The following DLGAP1 variants were observed in gnomAD, a reference collection of about 807,000 sequenced individuals.
The protein encoded by DLGAP1 is disks large-associated protein 1.
A neutral mutation model predicts 90.8 loss-of-function variants in DLGAP1; 11 were observed. That is an observed-to-expected ratio of 0.12 (90% confidence interval 0.08 to 0.20). The LOEUF (loss-of-function observed/expected upper bound fraction) is 0.20, where lower values mean the gene tolerates loss of function less well. Ranked by LOEUF, DLGAP1 falls within the 10% of genes least tolerant of loss-of-function variation. The pLI is 1.00. For synonymous variants in DLGAP1, 558 were observed against 540.7 expected (o/e 1.03, Z -0.44); for missense variants, 1,050 against 1,333.8 (o/e 0.79, Z 3.31).
intron 1 of DLGAP1, among the ~76,000 whole-genome samples, chr18:4,239,740 G>A (rs1480293368): frequency 6.6e-6 from 1 of 152,148 alleles, no homozygotes; most frequent in Non-Finnish European, 1.5e-5. Context: ...CTCCTTAGTT[G>A]CCTGTGTGTT....
chr18:4,161,373 T>C (rs2076842065), intron 1 of DLGAP1, among the ~76,000 whole-genome samples: 1 of 152,186 alleles, frequency 6.6e-6, no homozygotes. Context: ...ATTAGTTTGC[T>C]GAGGATAATG....
chr18:3,979,443 G>T (rs2073675744), intron 3 of DLGAP1, among the ~76,000 whole-genome samples: 1 of 34,264 alleles, frequency 2.9e-5, no homozygotes, highest in Admixed American at 4.1e-4. Flanking sequence ...GCATTTCTCA[G>T]AATGTACTCC....
chr18:3,997,694 G>A (rs1403870715), intron 3 of DLGAP1, among the ~76,000 whole-genome samples: 1 of 151,574 alleles, frequency 6.6e-6, no homozygotes, highest in African/African-American at 2.4e-5. Context: ...TTTAAAAAAA[G>A]AAAACATTAA....
intron 1 of DLGAP1, among the ~76,000 whole-genome samples, chr18:4,172,055 A>G (rs2077035558): frequency 6.6e-6 from 1 of 152,174 alleles, no homozygotes; most frequent in Non-Finnish European, 1.5e-5. Context: ...TCCTTTTCAA[A>G]GAGTTTCAGA....
intron 4 of DLGAP1, among the ~76,000 whole-genome samples, chr18:3,857,226 T>C (rs751675037): frequency 2.8e-4 from 43 of 152,220 alleles, no homozygotes; most frequent in Non-Finnish European, 5.6e-4. Context: ...AATTGAAGGA[T>C]GTGCATAATA....
chr18:4,121,331 G>A (rs140648574), intron 2 of DLGAP1, among the ~76,000 whole-genome samples: 229 of 152,196 alleles, frequency 1.5e-3, no homozygotes, highest in African/African-American at 5.2e-3. Flanking sequence ...AGAGGATGAA[G>A]GGACAAAGCA....
intron 1 of DLGAP1, among the ~76,000 whole-genome samples, chr18:4,205,197 A>G (rs189284589): frequency 2.5e-3 from 387 of 152,286 alleles, no homozygotes; most frequent in South Asian, 4.6e-3. Context: ...GGATTTGTAG[A>G]TGTTCTCGGG....
At chr18:3,976,387 A>G (rs969260365) in intron 3 of DLGAP1, among the ~76,000 whole-genome samples, 2 of 151,886 alleles carry the variant, frequency 1.3e-5, no homozygotes, top group Non-Finnish European at 2.9e-5. Context: ...GGTGAATTTT[A>G]TGTTATACAT....
chr18:4,176,899 T>C (rs1262249677), intron 1 of DLGAP1, among the ~76,000 whole-genome samples: 1 of 152,158 alleles, frequency 6.6e-6, no homozygotes, highest in Non-Finnish European at 1.5e-5. Flanking sequence ...TCCAGCTTGT[T>C]CTTGCTCTCA....
chr18:3,793,081 G>C (rs77370395), intron 5 of DLGAP1, among the ~76,000 whole-genome samples: 141 of 152,250 alleles, frequency 9.3e-4, no homozygotes, highest in Admixed American at 2.4e-3. Flanking sequence ...CATGGAATAC[G>C]ACTCGACCAA....
At chr18:4,170,019 C>T (rs1260972745) in intron 1 of DLGAP1, among the ~76,000 whole-genome samples, 2 of 152,120 alleles carry the variant, frequency 1.3e-5, no homozygotes, top group East Asian at 1.9e-4. Context: ...GAGGGATGGG[C>T]GGGGACAGAC....
intron 1 of DLGAP1, among the ~76,000 whole-genome samples, chr18:4,451,919 T>C (rs76423650): frequency 0.12 from 18,056 of 152,148 alleles, 1,337 homozygotes; most frequent in South Asian, 0.22. Flanking sequence ...GAAGTGAGGA[T>C]TGGGGAAACG....
intron 1 of DLGAP1, among the ~76,000 whole-genome samples, chr18:4,416,910 A>G (rs1403639622): frequency 6.6e-6 from 1 of 152,204 alleles, no homozygotes; most frequent in Non-Finnish European, 1.5e-5. Context: ...AAAATGAAGT[A>G]TAACAAAACT....
chr18:4,137,052 TC>T (rs1174643532), intron 2 of DLGAP1, among the ~76,000 whole-genome samples: 2 of 151,944 alleles, frequency 1.3e-5, no homozygotes, highest in African/African-American at 4.8e-5. Flanking sequence ...CCTCCCCCCT[TC>T]CCCCACTCCA....
chr18:3,610,279 A>C (rs1393534612), intron 7 of DLGAP1, among the ~76,000 whole-genome samples: 2 of 152,194 alleles, frequency 1.3e-5, no homozygotes, highest in African/African-American at 4.8e-5. Context: ...TCTGCAGAGA[A>C]AATCTGCAGC....
At chr18:4,447,551 G>C (rs969034836) in intron 1 of DLGAP1, among the ~76,000 whole-genome samples, 17 of 152,102 alleles carry the variant, frequency 1.1e-4, no homozygotes, top group Non-Finnish European at 2.2e-4. Flanking sequence ...GTACACTGAA[G>C]TCTCAACAGT....
At chr18:4,149,198 T>G (rs934032770) in intron 2 of DLGAP1, among the ~76,000 whole-genome samples, 5 of 152,198 alleles carry the variant, frequency 3.3e-5, no homozygotes, top group African/African-American at 1.2e-4. Context: ...TGGTCATACT[T>G]TGGATCTCAT....
intron 3 of DLGAP1, among the ~76,000 whole-genome samples, chr18:3,951,907 T>A (rs2072993568): frequency 6.6e-6 from 1 of 152,208 alleles, no homozygotes. Context: ...ACCTTTTTTG[T>A]TTATAAATTA....
At chr18:4,030,378 T>G (rs2149128336) in intron 2 of DLGAP1, among the ~76,000 whole-genome samples, 1 of 152,322 alleles carries the variant, frequency 6.6e-6, no homozygotes, top group South Asian at 2.1e-4. Context: ...CAGCAGAAAC[T>G]TAACTGAAGT....
Sources: gnomAD v4.1 joint callset for allele counts (sites outside exome capture counted in the v4.1 genomes callset) on GRCh38, gnomAD v4.1.1 for gene constraint, MANE v1.5 for transcripts, NCBI Gene and HGNC (gene_info 2026-07-23, HGNC 2026-07-21) for gene names.